The following TLE6 variants were observed in gnomAD, a reference collection of about 807,000 sequenced individuals.
The protein encoded by TLE6 is TLE family member 6, subcortical maternal complex member, also known as transducin-like enhancer protein 6.
Under a neutral mutation model 77.1 loss-of-function variants are expected in TLE6, and 72 were observed. The observed-to-expected ratio is 0.93, with a 90% CI of 0.77 to 1.14. TLE6 has a LOEUF of 1.14. TLE6 is among the 50% of genes most tolerant of loss of function. TLE6 has a pLI of 0.00. For missense variants in TLE6, 843 were observed against 747.6 expected (o/e 1.13, Z -1.49); for synonymous variants, 366 against 287.3 (o/e 1.27, Z -2.77).
Position 2,994,961 on chromosome 19 carries a change from C to A in TLE6, c.1676C>A (p.Thr559Lys). 1 of 1,609,928 alleles carries A rather than the reference C, an allele frequency of 6.2e-7. No homozygotes were observed. The highest frequency in any genetic ancestry group is 8.5e-7 in the Non-Finnish European group (1 of 1,178,530). Residue 559 changes from threonine to lysine, a missense_variant, in exon 17 of 17, where the codon ACA (threonine) becomes AAA (lysine). Physicochemically the swap from Thr to Lys is moderately conservative, Grantham distance 78. Transcript: ENST00000246112. ...TCTTCCAACAACCGCCTCGTTGTCA[C>A]AGGCTCCGGGGAGCACGCCTCCGTG... ...DVSSNNRLVV[T>K]GSGEHASVYQ... is the part of the protein sequence containing the mutation.
At chr19:2,990,681 A>ATAAATATATACT (rs2089029397) in intron 13 of TLE6, among the ~76,000 whole-genome samples, 1 of 146,036 alleles carries the variant, frequency 6.8e-6, no homozygotes, top group Non-Finnish European at 1.5e-5. Context: ...AAATATATAC[A>ATAAATATATACT]TAAATATATA....
chr19:2,994,760 C>A, intron 16 of TLE6, 140 bp from the exon 17 acceptor site: 1 of 504,336 alleles, frequency 2.0e-6, no homozygotes, highest in Non-Finnish European at 3.6e-6. Context: ...GCTGAGATTG[C>A]ACCACTGCAC....
intron 13 of TLE6, among the ~76,000 whole-genome samples, chr19:2,990,728 C>G (rs979518081): frequency 6.7e-6 from 1 of 149,728 alleles, no homozygotes; most frequent in Non-Finnish European, 1.5e-5. Context: ...AGTCTGGGTG[C>G]GGTGTCTCAC....
chr19:2,980,965 C>A (rs963915163), intron 3 of TLE6, among the ~76,000 whole-genome samples: 1 of 151,736 alleles, frequency 6.6e-6, no homozygotes, highest in African/African-American at 2.4e-5. Context: ...GCAGGAGGAT[C>A]ATCTGAGCCC....
chr19:2,989,007 C>G lies in TLE6; in HGVS notation c.741-54C>G, dbSNP rs2088978722. 8 of 1,597,982 alleles carry G rather than the reference C, an allele frequency of 5.0e-6. No individual in the cohort carries two copies. In the South Asian group the frequency reaches 8.9e-5, roughly 18 times the overall value. ...TCTAGGCCTTGATGTGTGGCTCCCA[C>G]TGGGCAAAGGGGCTCACAAGCAGGT... is the stretch of plus-strand genomic sequence containing the variant. On this transcript the variant is annotated intron_variant, in intron 11 of 16. Coordinates refer to ENST00000246112, the MANE Select transcript of TLE6 (RefSeq NM_001143986.2).
At chr19:2,987,635 C>T (rs985485816) in intron 8 of TLE6, 89 bp from the exon 9 acceptor site, 1 of 1,468,564 alleles carries the variant, frequency 6.8e-7, no homozygotes, top group Non-Finnish European at 9.5e-7. Context: ...AGGCAGCTGA[C>T]AAGCCCTGTG....
intron 4 of TLE6, 32 bp downstream of exon 4, chr19:2,981,615 A>C: frequency 3.2e-6 from 5 of 1,550,554 alleles, no homozygotes; most frequent in Non-Finnish European, 4.4e-6. Context: ...CCAACCAAGG[A>C]GGGCCCCACT....
Position 2,995,057 on chromosome 19 carries a change from C to A in TLE6, c.*53C>A, listed in dbSNP as rs866617441. ...GGCTCCTCTTTTCATCCCCCCCCTTCCCCCCCCCCAACAAGGGGGACATGG... is the reference window on the plus strand; with the variant it reads ...GGCTCCTCTTTTCATCCCCCCCCTTACCCCCCCCCAACAAGGGGGACATGG... On this transcript the variant is annotated 3_prime_UTR_variant, in exon 17 of 17. Coordinates refer to ENST00000246112, the MANE Select transcript of TLE6 (RefSeq NM_001143986.2). 6 of 541,080 alleles carry A rather than the reference C, an allele frequency of 1.1e-5. No individual in the cohort carries two copies. The Admixed American group carries it at 1.3e-4, about 12-fold the overall frequency. The allele number at this position is 541,080 out of a possible 1,614,324, so 33.5% of individuals were successfully genotyped here. A position where few individuals can be genotyped will look rare whatever the true frequency, so the allele number is the denominator to read the frequency against.
At chr19:2,991,390 A>ACAC (rs1221322092) in intron 13 of TLE6, among the ~76,000 whole-genome samples, 1 of 120,282 alleles carries the variant, frequency 8.3e-6, no homozygotes, top group African/African-American at 3.4e-5. Context: ...ATATATATAT[A>ACAC]TATATACACA....
chr19:2,991,333 TGG>T, intron 13 of TLE6, among the ~76,000 whole-genome samples: 1 of 136,222 alleles, frequency 7.3e-6, no homozygotes, highest in African/African-American at 2.8e-5. Context: ...CACTCCAGCC[TGG>T]GCAACAAAAC....
In TLE6 at chr19:2,981,628, G is replaced by C. The variant is rs2088799777; in HGVS notation, c.180+45G>C. On this transcript the variant is annotated intron_variant, in intron 4 of 16. Coordinates refer to ENST00000246112, the MANE Select transcript of TLE6 (RefSeq NM_001143986.2). ...CCCCAACCAAGGAGGGCCCCACTGG[G>C]ACAAGCTGAGGCCCTGGTTTCCCGG... 4 of 1,544,948 alleles carry C rather than the reference G, an allele frequency of 2.6e-6. No individual in the cohort carries two copies. The East Asian group carries it at 9.8e-5, about 38-fold the overall frequency.
chr19:2,985,281 C>A (rs1196196568), intron 5 of TLE6, among the ~76,000 whole-genome samples: 1 of 151,762 alleles, frequency 6.6e-6, no homozygotes, highest in South Asian at 2.1e-4. Flanking sequence ...TGACTTGTTT[C>A]TATCAATTCT....
chr19:2,988,767 G>A (rs998654252), intron 11 of TLE6, among the ~76,000 whole-genome samples: 1 of 152,132 alleles, frequency 6.6e-6, no homozygotes. Context: ...GGGCAAAGAA[G>A]GCTTTTCTGG....
intron 5 of TLE6, among the ~76,000 whole-genome samples, chr19:2,984,798 G>A (rs2088874056): frequency 6.6e-6 from 1 of 152,004 alleles, no homozygotes; most frequent in Non-Finnish European, 1.5e-5. Flanking sequence ...ATGGCTACTA[G>A]ACATTCCATA....
intron 14 of TLE6, 82 bp from the exon 15 acceptor site, chr19:2,993,350 A>T: frequency 6.8e-7 from 1 of 1,463,184 alleles, no homozygotes; most frequent in Non-Finnish European, 9.2e-7. Flanking sequence ...GGCCTCCAGG[A>T]TAGGTCCCCA....
chr19:2,989,479 A>C (rs1323805717), intron 12 of TLE6, 56 bp from the exon 13 acceptor site: 3 of 1,581,790 alleles, frequency 1.9e-6, no homozygotes, highest in Non-Finnish European at 2.6e-6. Context: ...GAGGCAAAGC[A>C]GTCCAGGCAG....
chr19:2,987,735 C>T lies in TLE6; in HGVS notation c.570C>T (p.Ser190=). Residue 190 remains serine, a synonymous_variant, in exon 9 of 17, where the codon AGC becomes AGT. Transcript: ENST00000246112. ...RQQAPGLGQE[S]KAPGSCDPGT... is the part of the protein sequence containing the mutation. ...TTTCCATTTTCCAGGGGCAGGAAAG[C>T]AAGGCACCAGGATCCTGTGACCCAG... 6.2e-7 allele frequency: 1 copy of T among 1,614,172 alleles called. No individual in the cohort carries two copies.
intron 5 of TLE6, chr19:2,984,287 G>C (rs562265220): frequency 3.3e-5 from 5 of 152,246 alleles, no homozygotes; most frequent in African/African-American, 7.2e-5. Context: ...GCTGCTGGGC[G>C]GGCTCAGCTG....
chr19:2,991,902 G>A lies in TLE6; in HGVS notation c.1304G>A (p.Trp435Ter). The change falls in exon 14 of 17, where the codon TGG (tryptophan) becomes TAG (stop). Residue 435 changes from tryptophan to a stop codon, truncating the protein, a stop_gained. Transcript: ENST00000246112. LOFTEE classifies it high-confidence loss of function. ...KSIVVKGYNI[W>*]TGGPDACLRC... ...ATCGTGGTCAAGGGCTACAACATCT[G>A]GACTGGGGGTCCGGATGCCTGTCTG... 1.9e-6 allele frequency: 3 copies of A among 1,613,932 alleles called. No individual in the cohort carries two copies. Among genetic ancestry groups the A allele is most frequent in the Non-Finnish European group, 2.5e-6 (3 of 1,179,988 alleles).
Sources: allele counts gnomAD v4.1 joint callset (sites outside exome capture counted in the v4.1 genomes callset), GRCh38; gene constraint gnomAD v4.1.1; transcripts MANE v1.5; gene names NCBI Gene and HGNC (gene_info 2026-07-23, HGNC 2026-07-21).